RUNX2: variants seen among roughly 807,000 people sequenced by gnomAD.
The protein encoded by RUNX2 is runt-related transcription factor 2.
RUNX2 carries 10 observed loss-of-function variants against 51.7 expected under a neutral mutation model. The observed-to-expected ratio is 0.19, with a 90% CI of 0.12 to 0.33. The LOEUF is 0.33. Among genes scored for constraint, RUNX2 ranks in the 10% least tolerant of loss-of-function variants. RUNX2 has a pLI of 1.00. For synonymous variants in RUNX2, 276 were observed against 273.6 expected (o/e 1.01, Z -0.09); for missense variants, 562 against 691.3 (o/e 0.81, Z 2.10).
At chr6:45,541,728 T>C (rs1429051314) in intron 7 of RUNX2, among the ~76,000 whole-genome samples, 1 of 152,222 alleles carries the variant, frequency 6.6e-6, no homozygotes, top group Non-Finnish European at 1.5e-5. Context: ...TTTTCTGCCC[T>C]GACCTGCCTG....
chr6:45,537,525 A>G (rs1301019483), intron 7 of RUNX2, among the ~76,000 whole-genome samples: 1 of 152,166 alleles, frequency 6.6e-6, no homozygotes, highest in African/African-American at 2.4e-5. Context: ...TTAATGACAA[A>G]ATGGCAGTGG....
At chr6:45,395,474 C>A (rs146958269) in intron 2 of RUNX2, among the ~76,000 whole-genome samples, 12 of 152,192 alleles carry the variant, frequency 7.9e-5, no homozygotes, top group Middle Eastern at 3.4e-3. Context: ...CATATATCCT[C>A]TTCTATAAAA....
chr6:45,546,682 C>A (rs1802410664), intron 8 of RUNX2, 145 bp from the exon 9 acceptor site: 1 of 702,742 alleles, frequency 1.4e-6, no homozygotes. Flanking sequence ...TGTAAAGTGA[C>A]TGGTGCATTT....
chr6:45,518,723 T>G (rs527875249), intron 7 of RUNX2, among the ~76,000 whole-genome samples: 28 of 152,282 alleles, frequency 1.8e-4, no homozygotes, highest in African/African-American at 6.7e-4. Context: ...AGGGAAAAGA[T>G]TTAGTAATGA....
chr6:45,519,788 ATATGTGTGTGTG>A (rs1299327078), intron 7 of RUNX2, among the ~76,000 whole-genome samples: 3 of 118,848 alleles, frequency 2.5e-5, no homozygotes, highest in African/African-American at 7.4e-5. Context: ...ATATATATAT[ATATGTGTGTGTG>A]TGTGTGTGTG....
intron 6 of RUNX2, among the ~76,000 whole-genome samples, chr6:45,510,139 T>C (rs1294932022): frequency 1.3e-5 from 2 of 152,206 alleles, no homozygotes; most frequent in Non-Finnish European, 2.9e-5. Flanking sequence ...ATATCAGATA[T>C]ATAACAAGGA....
At chr6:45,350,244 A>G (rs1791742515) in intron 2 of RUNX2, among the ~76,000 whole-genome samples, 1 of 152,212 alleles carries the variant, frequency 6.6e-6, no homozygotes, top group Non-Finnish European at 1.5e-5. Flanking sequence ...TGCATAGTAC[A>G]CAGTAGGCAC....
At chr6:45,365,453 G>A in intron 2 of RUNX2, 1 of 558,488 alleles carries the variant, frequency 1.8e-6, no homozygotes, top group South Asian at 2.5e-5. Flanking sequence ...TATACTTAAT[G>A]TTCTTTATTA....
rs557350160 is a variant in RUNX2, at chr6:45,429,723, G to A, written c.424-2140G>A. On this transcript the variant is annotated intron_variant, in intron 3 of 8. Coordinates refer to ENST00000647337, the MANE Select transcript of RUNX2 (RefSeq NM_001024630.4). Reference sequence around the variant, plus strand: ...GACTCAACATTAACTGGCCCTCTCAGAGTTTTAGTGGGTAGCCCCACAGAC... The same window carrying A: ...GACTCAACATTAACTGGCCCTCTCAAAGTTTTAGTGGGTAGCCCCACAGAC... Among the ~76,000 whole-genome samples the A allele has an allele frequency of 1.9e-3, 288 of 152,312 alleles. 2 individuals are homozygous for A. Among genetic ancestry groups the A allele is most frequent in the African/African-American group, 6.6e-3 (275 of 41,562 alleles).
At chr6:45,349,621 T>G (rs1581793131) in intron 2 of RUNX2, among the ~76,000 whole-genome samples, 1 of 152,346 alleles carries the variant, frequency 6.6e-6, no homozygotes, top group East Asian at 1.9e-4. Context: ...TGGGAACCAT[T>G]GCACTGGAAG....
chr6:45,529,985 T>A (rs1801793873), intron 7 of RUNX2, among the ~76,000 whole-genome samples: 1 of 152,142 alleles, frequency 6.6e-6, no homozygotes, highest in Admixed American at 6.5e-5. Context: ...CACAGGTGGG[T>A]TAGGAGATAG....
At position 45,438,041 on chromosome 6, in the gene RUNX2, G is replaced by A. The variant is rs764473197; in HGVS notation, c.675G>A (p.Arg225=). The A allele has an allele frequency of 3.1e-6, 5 of 1,603,700 alleles. No individual in the cohort carries two copies. Among genetic ancestry groups the A allele is most frequent in the Middle Eastern group, 1.6e-4 (1 of 6,062 alleles). The change falls in exon 5 of 9, where the codon CGG becomes CGA. Residue 225 remains arginine (R), a synonymous_variant. Coordinates refer to ENST00000647337, the MANE Select transcript of RUNX2 (RefSeq NM_001024630.4). The part of the protein sequence containing the change: ...RAIKVTVDGP[R]EPRRHRQKLD... ...TTAAAGTTACAGTAGATGGACCTCG[G>A]GAACCCAGAAGTAAGTACTCCCCTT... is the stretch of plus-strand genomic sequence containing the variant.
intron 2 of RUNX2, among the ~76,000 whole-genome samples, chr6:45,393,187 T>A (rs536032424): frequency 1.3e-5 from 2 of 152,356 alleles, no homozygotes; most frequent in Admixed American, 1.3e-4. Context: ...CTCTGCTATA[T>A]CTGAGTCTGG....
chr6:45,509,240 G>C (rs902659139), intron 6 of RUNX2, among the ~76,000 whole-genome samples: 1 of 152,070 alleles, frequency 6.6e-6, no homozygotes, highest in Admixed American at 6.6e-5. Context: ...TAGTTTTTCT[G>C]TAGTACTTTA....
chr6:45,422,630 C>A lies in RUNX2; in HGVS notation c.96C>A (p.Ser32Arg), dbSNP rs1336402260. Residue 32 changes from serine to arginine, a missense_variant, in exon 3 of 9, where the codon AGC (serine) becomes AGA (arginine). Around this residue, in one of 5 missense-constraint regions of RUNX2, gnomAD observed 153 missense variants for 144.8 expected, o/e 1.06. Coordinates refer to ENST00000647337, the MANE Select transcript of RUNX2 (RefSeq NM_001024630.4). The part of the protein sequence containing the change: ...STSRRFSPPS[S>R]SLQPGKMSDV... Reference sequence around the variant, plus strand: ...GCCGGCGCTTCAGCCCCCCCTCCAGCAGCCTGCAGCCCGGCAAAATGAGCG... The same window carrying A: ...GCCGGCGCTTCAGCCCCCCCTCCAGAAGCCTGCAGCCCGGCAAAATGAGCG... The A allele has an allele frequency of 6.2e-7, 1 of 1,606,982 alleles. No homozygotes were observed. The highest frequency in any genetic ancestry group is 2.3e-5 in the East Asian group (1 of 44,320).
Position 45,422,731 on chromosome 6 carries a change from A to G in RUNX2, c.197A>G (p.Gln66Arg), listed in dbSNP as rs1243134950. 1.3e-6 allele frequency: 2 copies of G among 1,482,280 alleles called. No individual in the cohort carries two copies. The highest frequency in any genetic ancestry group is 2.9e-5 in the African/African-American group (2 of 69,184). The allele number at this position is 1,482,280 out of a possible 1,614,324, so 91.8% of individuals were successfully genotyped here. A position where few individuals can be genotyped will look rare whatever the true frequency, so the allele number is the denominator to read the frequency against. ...CAACAGCAGCAGCAGCAGCAGCAAC[A>G]GCAGCAGCAGCAGCAGGAGGCGGCG... Reference protein sequence around the residue: ...QQQQQQQQQQQQQQQQEAAAA... With the variant: ...QQQQQQQQQQRQQQQQEAAAA... Residue 66 changes from glutamine to arginine, a missense_variant, in exon 3 of 9, where the codon CAG (glutamine) becomes CGG (arginine). By Grantham distance (43) the Gln-to-Arg change is conservative. Around this residue, in one of 5 missense-constraint regions of RUNX2, gnomAD observed 153 missense variants for 144.8 expected, o/e 1.06. Coordinates refer to ENST00000647337, the MANE Select transcript of RUNX2 (RefSeq NM_001024630.4).
chr6:45,341,700 G>T (rs1257566728), intron 2 of RUNX2, among the ~76,000 whole-genome samples: 1 of 152,130 alleles, frequency 6.6e-6, no homozygotes, highest in African/African-American at 2.4e-5. Context: ...CGGAATAACA[G>T]ATAGTTAAAA....
At chr6:45,488,610 C>T (rs1345954688) in intron 5 of RUNX2, among the ~76,000 whole-genome samples, 2 of 152,182 alleles carry the variant, frequency 1.3e-5, no homozygotes, top group African/African-American at 2.4e-5. Context: ...CCAGGTCCCA[C>T]TATCAGAAAT....
chr6:45,508,673 T>A (rs1801053720), intron 6 of RUNX2, among the ~76,000 whole-genome samples: 1 of 152,244 alleles, frequency 6.6e-6, no homozygotes, highest in Non-Finnish European at 1.5e-5. Flanking sequence ...TTTAGGGATC[T>A]TGAGAACTTA....
Sources: gnomAD v4.1 joint callset for allele counts (sites outside exome capture counted in the v4.1 genomes callset) on GRCh38, gnomAD v4.1.1 for gene constraint, gnomAD v4.1.1 regional missense constraint, MANE v1.5 for transcripts, NCBI Gene and HGNC (gene_info 2026-07-23, HGNC 2026-07-21) for gene names.